TPM2: variants seen among roughly 807,000 people sequenced by gnomAD.
TPM2 encodes tropomyosin beta chain.
A neutral mutation model predicts 41.0 loss-of-function variants in TPM2; 26 were observed. The ratio of observed to expected loss-of-function variants is 0.63; its 90% confidence interval spans 0.46 to 0.88. TPM2 has a LOEUF of 0.88. TPM2 is among the 40% of genes least tolerant of loss of function. TPM2 has a pLI of 0.00. For missense variants in TPM2, 187 were observed against 355.2 expected, an observed-to-expected ratio of 0.53 and a Z score of 3.81; for synonymous variants, 143 against 139.3, an observed-to-expected ratio of 1.03 and a Z score of -0.19.
intron 7 of TPM2, 53 bp downstream of exon 7, chr9:35,684,435 G>T: frequency 6.2e-7 from 1 of 1,613,078 alleles, no homozygotes; most frequent in Non-Finnish European, 8.5e-7. Flanking sequence ...GCCGTCTCTG[G>T]CAAGGATTAG....
At chr9:35,682,727 C>A, downstream of TPM2, 1 of 1,315,914 alleles carries the variant, frequency 7.6e-7, no homozygotes, top group South Asian at 1.2e-5. Flanking sequence ...GATGGGGCCA[C>A]ACGTGCCCAC....
intron 7 of TPM2, 44 bp from the exon 8 acceptor site, chr9:35,684,359 C>T (rs1222355102): frequency 1.2e-6 from 2 of 1,611,094 alleles, no homozygotes. Context: ...AGAATTAGGC[C>T]CTCCCACAGA....
chr9:35,684,832 G>GA, intron 5 of TPM2, 25 bp from the exon 6 acceptor site: 1 of 1,613,628 alleles, frequency 6.2e-7, no homozygotes, highest in Non-Finnish European at 8.5e-7. Context: ...TGGCGGGGGG[G>GA]GCAGGGTGTG....
rs1030419112 is a variant in TPM2, at chr9:35,684,422, C to T, written c.702+66G>A. On this transcript the variant is annotated intron_variant, in intron 7 of 8. Transcript: ENST00000645482. Reference sequence around the variant, plus strand: ...ATCCCAACCCTCAAGTGTCCTGCCACAGGCCGTCTCTGGCAAGGATTAGGG... The same window carrying T: ...ATCCCAACCCTCAAGTGTCCTGCCATAGGCCGTCTCTGGCAAGGATTAGGG... 62 of 1,610,616 alleles carry T rather than the reference C, an allele frequency of 3.8e-5. No individual in the cohort carries two copies. In the Middle Eastern group the frequency reaches 9.9e-4, roughly 26 times the overall value.
intron 5 of TPM2, 118 bp from the exon 6 acceptor site, chr9:35,684,925 GACA>G (rs1452727385): frequency 6.2e-7 from 1 of 1,610,038 alleles, no homozygotes; most frequent in African/African-American, 1.3e-5. Flanking sequence ...TTGTGAGAGT[GACA>G]GCAGGCAGGG....
intron 8 of TPM2, 70 bp from the exon 9 acceptor site, chr9:35,683,311 GGAGA>G: frequency 2.1e-6 from 3 of 1,422,232 alleles, no homozygotes; most frequent in Non-Finnish European, 2.9e-6. Flanking sequence ...AGGAAAGGAA[GGAGA>G]GAGAGCAATG....
chr9:35,682,816 G>A, downstream of TPM2: 1 of 1,380,002 alleles, frequency 7.2e-7, no homozygotes, highest in Non-Finnish European at 9.6e-7. Flanking sequence ...GTGTTTTGTG[G>A]GTGGGCTCAG....
chr9:35,685,497 C>T lies in TPM2; in HGVS notation c.429G>A (p.Leu143=). The stretch of plus-strand genomic sequence containing the variant: ...TGGCCTCCTTCAGCTGCATCTCCTG[C>T]AGTTCCATCTTCTCCTCATCCTTCA... ...RAMKDEEKME[L]QEMQLKEAKH... Residue 143 remains leucine, a synonymous_variant, in exon 4 of 9, where the codon CTG becomes CTA. Transcript: ENST00000645482. This position sits in a 1 kb window ranked among gnomAD's most constrained non-coding sequence, Gnocchi z 5.0. 1 of 1,614,236 alleles carries T rather than the reference C, an allele frequency of 6.2e-7. No individual in the cohort carries two copies. Among genetic ancestry groups the T allele is most frequent in the Non-Finnish European group, 8.5e-7 (1 of 1,180,038 alleles).
At chr9:35,687,447 C>T (rs576762784) in intron 2 of TPM2, among the ~76,000 whole-genome samples, 1 of 152,078 alleles carries the variant, frequency 6.6e-6, no homozygotes, top group Non-Finnish European at 1.5e-5. Context: ...GGAGAGAGGA[C>T]CTGTGTAGGG....
rs1238373705 is a variant in TPM2, at chr9:35,689,763, T to C, written c.55A>G (p.Ile19Val). ...QMLKLDKENA[I>V]DRAEQAEADK... ...GCTTCGGCCTGCTCGGCGCGGTCGA[T>C]GGCGTTCTCCTTGTCCAGCTTCAGC... The change falls in exon 1 of 9, where the codon ATC (isoleucine) becomes GTC (valine). Residue 19 changes from isoleucine to valine, a missense_variant. Transcript: ENST00000645482. 1.2e-6 allele frequency: 2 copies of C among 1,613,666 alleles called. No individual in the cohort carries two copies. The highest frequency in any genetic ancestry group is 1.3e-5 in the African/African-American group (1 of 74,910).
At position 35,683,193 on chromosome 9, in the gene TPM2, A is replaced by T; in HGVS notation, c.821T>A (p.Leu274Gln). ...KMKYKAISEE[L>Q]DNALNDITSL ...GGTGATGTCATTGAGTGCGTTGTCC[A>T]GTTCCTCGCTAATGGCCTTGTACTT... The change falls in exon 9 of 9, where the codon CTG becomes CAG. Residue 274 changes from leucine (L) to glutamine (Q), a missense_variant. Transcript: ENST00000645482. The T allele has an allele frequency of 6.5e-7, 1 of 1,545,824 alleles. No individual in the cohort carries two copies. The highest frequency in any genetic ancestry group is 8.8e-7 in the Non-Finnish European group (1 of 1,141,198).
intron 2 of TPM2, among the ~76,000 whole-genome samples, chr9:35,688,469 C>A (rs1825065640): frequency 6.6e-6 from 1 of 152,186 alleles, no homozygotes; most frequent in Non-Finnish European, 1.5e-5. Context: ...GAAGTGAAGT[C>A]TGGTTGGGGT....
downstream of TPM2, chr9:35,682,346 G>A (rs911692394): frequency 2.0e-5 from 19 of 939,506 alleles, no homozygotes; most frequent in Admixed American, 1.0e-4. Flanking sequence ...GGAACAGGAC[G>A]GACGTGGATG....
At chr9:35,688,708 CT>C (rs1369077354) in intron 2 of TPM2, among the ~76,000 whole-genome samples, 1 of 152,138 alleles carries the variant, frequency 6.6e-6, no homozygotes, top group East Asian at 1.9e-4. Flanking sequence ...AGGGTTGTAA[CT>C]CAAGTGGGGT....
chr9:35,686,120 C>T (rs1241047187), intron 2 of TPM2, among the ~76,000 whole-genome samples: 4 of 152,176 alleles, frequency 2.6e-5, no homozygotes, highest in Non-Finnish European at 5.9e-5. Context: ...CATGGTGGCG[C>T]ATGCCTGTAA....
At chr9:35,686,775 C>T (rs1824939280) in intron 2 of TPM2, among the ~76,000 whole-genome samples, 1 of 152,164 alleles carries the variant, frequency 6.6e-6, no homozygotes, top group Non-Finnish European at 1.5e-5. Flanking sequence ...CTGCCAAGGC[C>T]AGCAGAGAGC....
At chr9:35,682,366 AGGCCTTGG>A, downstream of TPM2, 1 of 984,652 alleles carries the variant, frequency 1.0e-6, no homozygotes, top group East Asian at 2.7e-5. Flanking sequence ...GCCTCACTCA[AGGCCTTGG>A]GGTCATAGAG....
downstream of TPM2, chr9:35,682,852 TG>T: frequency 7.0e-7 from 1 of 1,431,122 alleles, no homozygotes; most frequent in Non-Finnish European, 9.3e-7. Flanking sequence ...TGTCAGTAAG[TG>T]CCAGGGTGTC....
chr9:35,683,249 G>GT lies in TPM2; in HGVS notation c.773-9_773-8insA, dbSNP rs756328776. On this transcript the variant is annotated splice_polypyrimidine_tract_variant and intron_variant, in intron 8 of 8. Transcript: ENST00000645482. ...TCTGGGCATAGACTTCATCTGGGGG[G>GT]GGTCCAGGGAGGGGACCAGGTGGGA... 1.0e-5 allele frequency: 16 copies of GT among 1,552,500 alleles called. No homozygotes were observed. Among genetic ancestry groups the GT allele is most frequent in the East Asian group, 2.4e-5 (1 of 41,140 alleles).
Sources: allele counts gnomAD v4.1 joint callset (sites outside exome capture counted in the v4.1 genomes callset), GRCh38; gene constraint gnomAD v4.1.1; non-coding constraint Gnocchi (gnomAD v3.1); transcripts MANE v1.5; gene names NCBI Gene and HGNC (gene_info 2026-07-23, HGNC 2026-07-21).